The following RANBP17 variants were observed in gnomAD, a reference collection of about 807,000 sequenced individuals.
RANBP17 encodes RAN binding protein 17.
Under a neutral mutation model 141.2 loss-of-function variants are expected in RANBP17, and 158 were observed. That is an observed-to-expected ratio of 1.12 (90% CI 0.98 to 1.28). The LOEUF is 1.28. Among genes scored for constraint, RANBP17 ranks in the 50% most tolerant of loss-of-function variants. The pLI, the probability that RANBP17 is intolerant of heterozygous loss-of-function variation, is 0.00. For missense variants in RANBP17, 1,438 were observed against 1,290.7 expected, an observed-to-expected ratio of 1.11 and a Z score of -1.75; for synonymous variants, 430 against 450.0, an observed-to-expected ratio of 0.96 and a Z score of 0.56.
intron 14 of RANBP17, among the ~76,000 whole-genome samples, chr5:171,117,178 T>G (rs1755695733): frequency 6.6e-6 from 1 of 152,200 alleles, no homozygotes; most frequent in African/African-American, 2.4e-5. Flanking sequence ...ATCTTTCCTT[T>G]GGATAAAGTA....
chr5:171,116,395 G>C (rs1001841677), intron 14 of RANBP17, among the ~76,000 whole-genome samples: 3 of 152,140 alleles, frequency 2.0e-5, no homozygotes, highest in African/African-American at 7.2e-5. Context: ...ATGATGGATG[G>C]TGGAAGGACG....
In RANBP17 at chr5:171,108,522, C is replaced by A. The variant is rs1383190444; in HGVS notation, c.1711-61608C>A. 3.3e-5 allele frequency among the ~76,000 whole-genome samples: 5 copies of A among 152,266 alleles called. No homozygotes were observed. The East Asian group carries it at 5.8e-4, about 18-fold the overall frequency. On this transcript the variant is annotated intron_variant, in intron 14 of 27. Coordinates refer to ENST00000523189, the MANE Select transcript of RANBP17 (RefSeq NM_022897.5). ...CAAACTCCTCGGTTCAAGCCGTCCT[C>A]CTACCTTACCCTCCCAAACAGCTGG...
rs565592501 is a variant in RANBP17 at position 170,882,870 on chromosome 5, A to G, written c.256+974A>G. Among the ~76,000 whole-genome samples, 11 of 152,318 alleles carry G rather than the reference A, an allele frequency of 7.2e-5. No homozygotes were observed. The South Asian group carries it at 2.3e-3, about 32-fold the overall frequency. On this transcript the variant is annotated intron_variant, in intron 3 of 27. Coordinates refer to ENST00000523189, the MANE Select transcript of RANBP17 (RefSeq NM_022897.5). ...AAGTAGCTTGCATTTCATATGGACA[A>G]AATTGTAATAATTGAGGTGTGGGGT...
At chr5:171,288,772 A>T (rs936858737) in intron 25 of RANBP17, among the ~76,000 whole-genome samples, 1 of 152,188 alleles carries the variant, frequency 6.6e-6, no homozygotes, top group Non-Finnish European at 1.5e-5. Flanking sequence ...CTTGTCAGGC[A>T]CAGCCTACTG....
chr5:170,880,084 C>T (rs188758026), intron 2 of RANBP17, among the ~76,000 whole-genome samples: 4 of 152,290 alleles, frequency 2.6e-5, no homozygotes, highest in African/African-American at 4.8e-5. Context: ...TGTGACATAT[C>T]GTAGCAGATT....
At chr5:170,965,280 T>C (rs1776467979) in intron 13 of RANBP17, among the ~76,000 whole-genome samples, 2 of 151,566 alleles carry the variant, frequency 1.3e-5, no homozygotes, top group Non-Finnish European at 2.9e-5. Flanking sequence ...TTGAGTTCAT[T>C]GTAGATTCTG....
chr5:171,234,536 C>T (rs969512539), intron 22 of RANBP17, among the ~76,000 whole-genome samples: 1 of 152,090 alleles, frequency 6.6e-6, no homozygotes, highest in African/African-American at 2.4e-5. Context: ...GACAATATTG[C>T]AGTAATTCAG....
At chr5:171,233,799 C>T (rs888822078) in intron 22 of RANBP17, among the ~76,000 whole-genome samples, 1 of 152,164 alleles carries the variant, frequency 6.6e-6, no homozygotes, top group Non-Finnish European at 1.5e-5. Flanking sequence ...CTGTGTGATA[C>T]TATAATGGTG....
At chr5:171,242,905 A>G (rs1327402912) in intron 24 of RANBP17, 85 bp downstream of exon 24, 1 of 1,254,868 alleles carries the variant, frequency 8.0e-7, no homozygotes, top group Admixed American at 2.0e-5. Context: ...CTATCATCCT[A>G]CAAAGGGGGA....
chr5:171,103,087 A>G (rs1188736391), intron 14 of RANBP17, among the ~76,000 whole-genome samples: 1 of 152,170 alleles, frequency 6.6e-6, no homozygotes, highest in African/African-American at 2.4e-5. Flanking sequence ...TCAGGGACCC[A>G]CTTGAGGAGA....
chr5:171,098,636 G>C (rs1052781357), intron 14 of RANBP17, among the ~76,000 whole-genome samples: 6 of 152,124 alleles, frequency 3.9e-5, no homozygotes, highest in African/African-American at 1.2e-4. Flanking sequence ...AAGCTCTTTA[G>C]TTTAATTAAA....
chr5:170,955,527 T>A (rs1277779643), intron 13 of RANBP17, among the ~76,000 whole-genome samples: 1 of 132,956 alleles, frequency 7.5e-6, no homozygotes, highest in East Asian at 2.2e-4. Flanking sequence ...ATGCTCAGTC[T>A]GTGTATATAT....
chr5:171,229,337 A>C (rs1764066568), intron 22 of RANBP17, among the ~76,000 whole-genome samples: 1 of 152,224 alleles, frequency 6.6e-6, no homozygotes, highest in East Asian at 1.9e-4. Flanking sequence ...ACACATGCTT[A>C]GATTTCAGTG....
chr5:170,953,508 A>G, intron 12 of RANBP17, 89 bp from the exon 13 acceptor site: 1 of 768,666 alleles, frequency 1.3e-6, no homozygotes, highest in Non-Finnish European at 2.2e-6. Flanking sequence ...GGAAGAACAG[A>G]TCATTGTGCT....
At chr5:170,983,052 T>C (rs891633106) in intron 14 of RANBP17, 4 of 500,742 alleles carry the variant, frequency 8.0e-6, no homozygotes, top group African/African-American at 3.8e-5. Flanking sequence ...ACTTCTCTTA[T>C]ATCTTTTACC....
chr5:171,148,400 A>T lies in RANBP17; in HGVS notation c.1711-21730A>T, dbSNP rs534588239. Among the ~76,000 whole-genome samples the T allele has an allele frequency of 5.3e-5, 8 of 150,844 alleles. No individual in the cohort carries two copies. The South Asian group carries it at 8.4e-4, about 16-fold the overall frequency. On this transcript the variant is annotated intron_variant, in intron 14 of 27. Transcript: ENST00000523189. ...GAATTATCAATAAAAAAATAAATTTAAAAAAAAAATTTTTAATCTCAGATA... is the reference window on the plus strand; with the variant it reads ...GAATTATCAATAAAAAAATAAATTTTAAAAAAAAATTTTTAATCTCAGATA...
At chr5:171,010,203 A>G (rs1172354516) in intron 14 of RANBP17, among the ~76,000 whole-genome samples, 1 of 152,160 alleles carries the variant, frequency 6.6e-6, no homozygotes, top group Admixed American at 6.5e-5. Context: ...AATTAAAGAG[A>G]GATCTTAGCA....
intron 14 of RANBP17, among the ~76,000 whole-genome samples, chr5:171,055,680 G>A (rs913290698): frequency 6.6e-6 from 1 of 151,804 alleles, no homozygotes; most frequent in Non-Finnish European, 1.5e-5. Context: ...TGGGGCTTCT[G>A]GACCTGTTAG....
At chr5:170,929,686 T>C (rs1561900899) in intron 12 of RANBP17, among the ~76,000 whole-genome samples, 1 of 152,160 alleles carries the variant, frequency 6.6e-6, no homozygotes, top group Non-Finnish European at 1.5e-5. Context: ...GTGGTGACTT[T>C]GCCTGGTTTG....
Sources: gnomAD v4.1 joint callset for allele counts (sites outside exome capture counted in the v4.1 genomes callset) on GRCh38, gnomAD v4.1.1 for gene constraint, MANE v1.5 for transcripts, NCBI Gene and HGNC (gene_info 2026-07-23, HGNC 2026-07-21) for gene names.